Variants in FGF14 observed in about 807,000 individuals in gnomAD.
The protein encoded by FGF14 is fibroblast growth factor homologous factor 4.
Under a neutral mutation model 25.5 loss-of-function variants are expected in FGF14, and 5 were observed. The ratio of observed to expected loss-of-function variants is 0.20; its 90% confidence interval spans 0.10 to 0.41. The LOEUF (loss-of-function observed/expected upper bound fraction) is 0.41, where lower values mean the gene tolerates loss of function less well. FGF14 is among the 10% of genes least tolerant of loss of function. The pLI, the probability that FGF14 is intolerant of heterozygous loss-of-function variation, is 1.00. For synonymous variants in FGF14, 138 were observed against 118.3 expected (o/e 1.17, Z -1.08); for missense variants, 222 against 320.1 (o/e 0.69, Z 2.34).
At chr13:101,776,072 G>A (rs1307262565) in intron 3 of FGF14, among the ~76,000 whole-genome samples, 1 of 152,016 alleles carries the variant, frequency 6.6e-6, no homozygotes, top group African/African-American at 2.4e-5. Flanking sequence ...TTCACGTGGT[G>A]CGCTTACGAG....
At chr13:102,143,355 G>A (rs2046725501) in intron 1 of FGF14, among the ~76,000 whole-genome samples, 1 of 152,048 alleles carries the variant, frequency 6.6e-6, no homozygotes, top group Non-Finnish European at 1.5e-5. Flanking sequence ...AAAAAAATGT[G>A]TGTGTGTTTA....
intron 1 of FGF14, among the ~76,000 whole-genome samples, chr13:102,368,213 C>A (rs1158473534): frequency 6.6e-6 from 1 of 152,168 alleles, no homozygotes; most frequent in Non-Finnish European, 1.5e-5. Flanking sequence ...AATTCACGTA[C>A]ATAAAATAAT....
intron 3 of FGF14, among the ~76,000 whole-genome samples, chr13:101,773,967 A>T (rs779843407): frequency 1.3e-5 from 2 of 151,266 alleles, no homozygotes; most frequent in African/African-American, 2.4e-5. Context: ...CTCCATTAGT[A>T]CTTGTTAAAT....
intron 1 of FGF14, among the ~76,000 whole-genome samples, chr13:102,023,101 C>G (rs924071738): frequency 1.3e-5 from 2 of 150,536 alleles, no homozygotes; most frequent in African/African-American, 4.9e-5. Context: ...ACACAAAATA[C>G]GTAACATATC....
chr13:102,221,548 T>G (rs550828063), intron 1 of FGF14, among the ~76,000 whole-genome samples: 2 of 152,094 alleles, frequency 1.3e-5, no homozygotes, highest in East Asian at 3.9e-4. Flanking sequence ...AATAGAAACA[T>G]GCACAGCCAT....
rs2053963128 is a variant in FGF14, at chr13:102,283,806, A to T, written c.208+117665T>A. On this transcript the variant is annotated intron_variant, in intron 1 of 4. Transcript: ENST00000376131. ...CCTAATCCTTAAATTCAGGTCTGCC[A>T]CTCACTAGCTTTGTAACCATAAGCA... Among the ~76,000 whole-genome samples the T allele has an allele frequency of 3.9e-5, 6 of 152,328 alleles. No homozygotes were observed. In the South Asian group the frequency reaches 1.2e-3, roughly 32 times the overall value.
chr13:102,045,866 C>T (rs1218011640), intron 1 of FGF14: 1 of 152,866 alleles, frequency 6.5e-6, no homozygotes, highest in Non-Finnish European at 1.5e-5. Flanking sequence ...TTAAGCATGT[C>T]ATTCATGCAG....
intron 1 of FGF14, among the ~76,000 whole-genome samples, chr13:102,123,973 G>C (rs1216324197): frequency 6.6e-6 from 1 of 152,134 alleles, no homozygotes; most frequent in Non-Finnish European, 1.5e-5. Context: ...TTTAGAATTA[G>C]ATGCAGATTT....
intron 1 of FGF14, among the ~76,000 whole-genome samples, chr13:101,992,009 T>C (rs1056448522): frequency 6.6e-6 from 1 of 152,122 alleles, no homozygotes; most frequent in South Asian, 2.1e-4. Context: ...AAACACCCAA[T>C]GACAGCCTCC....
At chr13:101,990,802 T>G (rs140332362) in intron 1 of FGF14, among the ~76,000 whole-genome samples, 56 of 152,244 alleles carry the variant, frequency 3.7e-4, no homozygotes, top group South Asian at 8.3e-4. Flanking sequence ...TTCTGGCTTG[T>G]TAGGAGCCAT....
intron 1 of FGF14, among the ~76,000 whole-genome samples, chr13:102,267,507 T>A (rs756327731): frequency 1.3e-5 from 2 of 152,174 alleles, no homozygotes; most frequent in Non-Finnish European, 2.9e-5. Context: ...GAAGGACATA[T>A]GAAATGTATT....
intron 1 of FGF14, among the ~76,000 whole-genome samples, chr13:102,371,025 G>A (rs1318628061): frequency 1.3e-5 from 2 of 151,014 alleles, no homozygotes; most frequent in Admixed American, 1.3e-4. Context: ...TCCACTTCTA[G>A]TGCAACTACA....
intron 1 of FGF14, among the ~76,000 whole-genome samples, chr13:102,118,539 T>C (rs1388086258): frequency 6.6e-6 from 1 of 152,126 alleles, no homozygotes; most frequent in Admixed American, 6.5e-5. Flanking sequence ...AAGATGAGCC[T>C]GAGACATATT....
intron 1 of FGF14, among the ~76,000 whole-genome samples, chr13:102,280,839 C>T (rs979873534): frequency 2.6e-5 from 4 of 152,120 alleles, no homozygotes; most frequent in African/African-American, 9.7e-5. Context: ...CCCTGGGAAA[C>T]ACCAGAAATC....
At chr13:102,147,269 A>G (rs939285992) in intron 1 of FGF14, among the ~76,000 whole-genome samples, 2 of 152,198 alleles carry the variant, frequency 1.3e-5, no homozygotes, top group Non-Finnish European at 2.9e-5. Context: ...TAGGATTCAA[A>G]TTCTGGTTTT....
chr13:101,990,658 C>T (rs529990797), intron 1 of FGF14, among the ~76,000 whole-genome samples: 1 of 152,026 alleles, frequency 6.6e-6, no homozygotes, highest in South Asian at 2.1e-4. Flanking sequence ...CATGCACAGG[C>T]CTGGGCAGCA....
chr13:102,107,177 T>A lies in FGF14; in HGVS notation c.209-231881A>T, dbSNP rs114278559. On this transcript the variant is annotated intron_variant, in intron 1 of 4. Transcript: ENST00000376131. ...CCTTGTATTCCTAAACCTATTTTTTTAAAAAAACGAATTAAACAGAGTTCA... is the reference window on the plus strand; with the variant it reads ...CCTTGTATTCCTAAACCTATTTTTTAAAAAAAACGAATTAAACAGAGTTCA... Among the ~76,000 whole-genome samples the A allele has an allele frequency of 5.8e-3, 877 of 152,188 alleles. 14 individuals carry two copies. The highest frequency in any genetic ancestry group is 0.02 in the African/African-American group (820 of 41,522).
Position 102,069,942 on chromosome 13 carries a change from T to C in FGF14, c.209-194646A>G, listed in dbSNP as rs186892560. Among the ~76,000 whole-genome samples, 368 of 152,130 alleles carry C rather than the reference T, an allele frequency of 2.4e-3. 2 individuals are homozygous for C. Among genetic ancestry groups the C allele is most frequent in the Non-Finnish European group, 2.8e-4 (19 of 67,994 alleles). ...CCCTGAAACTACTAAAAGAAAACATTGGGGAAATTCTCCAGGACATTCACC... is the reference window on the plus strand; with the variant it reads ...CCCTGAAACTACTAAAAGAAAACATCGGGGAAATTCTCCAGGACATTCACC... On this transcript the variant is annotated intron_variant, in intron 1 of 4. Transcript: ENST00000376131.
At chr13:101,964,440 A>C (rs1010052477) in intron 1 of FGF14, among the ~76,000 whole-genome samples, 1 of 152,248 alleles carries the variant, frequency 6.6e-6, no homozygotes, top group Non-Finnish European at 1.5e-5. Flanking sequence ...GGGTCTATCC[A>C]GCCCATGAAG....
Sources: allele counts gnomAD v4.1 joint callset (sites outside exome capture counted in the v4.1 genomes callset), GRCh38; gene constraint gnomAD v4.1.1; transcripts MANE v1.5; gene names NCBI Gene and HGNC (gene_info 2026-07-23, HGNC 2026-07-21).